RGMB: variants seen among roughly 807,000 people sequenced by gnomAD.
RGMB encodes repulsive guidance molecule B.
In RGMB, 16 loss-of-function variants were observed where a neutral mutation model predicts 26.9. The observed-to-expected ratio is 0.60, with a 90% confidence interval of 0.40 to 0.90. The LOEUF is 0.90. Ranked by LOEUF, RGMB falls within the 40% of genes least tolerant of loss-of-function variation. The pLI is 0.00. For synonymous variants in RGMB, 225 were observed against 229.3 expected (o/e 0.98, Z 0.17); for missense variants, 512 against 573.3 (o/e 0.89, Z 1.09).
At chr5:98,791,639 T>C (rs1344903055) in intron 2 of RGMB, among the ~76,000 whole-genome samples, 1 of 152,214 alleles carries the variant, frequency 6.6e-6, no homozygotes, top group Non-Finnish European at 1.5e-5. Flanking sequence ...AGTCACCTGA[T>C]ACTTTTTGTT....
chr5:98,782,589 G>A (rs1293944836), intron 2 of RGMB, among the ~76,000 whole-genome samples: 2 of 152,176 alleles, frequency 1.3e-5, no homozygotes, highest in Admixed American at 6.5e-5. Context: ...TCCTTGTGTG[G>A]TCAAGTGTTT....
chr5:98,778,652 A>G (rs2112347570), intron 1 of RGMB, among the ~76,000 whole-genome samples: 1 of 152,280 alleles, frequency 6.6e-6, no homozygotes, highest in South Asian at 2.1e-4. Flanking sequence ...CACACAACTG[A>G]CCTAGTATTG....
intron 1 of RGMB, among the ~76,000 whole-genome samples, chr5:98,774,547 G>C (rs1746328507): frequency 6.6e-6 from 1 of 152,216 alleles, no homozygotes; most frequent in African/African-American, 2.4e-5. Flanking sequence ...TGCTCTCTGC[G>C]CTGGTGTTTA....
At chr5:98,774,250 G>A (rs950360772) in intron 1 of RGMB, 44 bp downstream of exon 1, 297 of 1,352,564 alleles carry the variant, frequency 2.2e-4, no homozygotes, top group Non-Finnish European at 2.6e-4. Context: ...GGGGCCTAGG[G>A]CTTTGTTCCC....
At chr5:98,787,685 A>G (rs767973393) in intron 2 of RGMB, among the ~76,000 whole-genome samples, 81 of 152,224 alleles carry the variant, frequency 5.3e-4, no homozygotes, top group Non-Finnish European at 7.3e-5. Context: ...GGAGTGACCA[A>G]GACTTACAGG....
upstream of RGMB, chr5:98,770,217 T>C (rs11957518): frequency 0.017 from 2,703 of 159,490 alleles, 78 homozygotes; most frequent in African/African-American, 0.061. Flanking sequence ...GAGGAACCCC[T>C]TGGGCGATGG....
rs750330959 is a variant in RGMB, at chr5:98,774,148, C to T, written c.78C>T (p.Cys26=). 5 of 1,490,438 alleles carry T rather than the reference C, an allele frequency of 3.4e-6. No homozygotes were observed. The highest frequency in any genetic ancestry group is 5.5e-5 in the East Asian group (2 of 36,388). The allele number at this position is 1,490,438 out of a possible 1,614,324, so 92.3% of individuals were successfully genotyped here. A position where few individuals can be genotyped will look rare whatever the true frequency, so the allele number is the denominator to read the frequency against. ...EVEQRRSPGL[C]PPPLELLLLL... ...AGCAGCGCCGCAGCCCCGGGCTCTG[C>T]CCCCCGCCGCTGGAGCTGCTGCTGC... Residue 26 remains cysteine, a synonymous_variant, in exon 1 of 3, where the codon TGC becomes TGT. Transcript: ENST00000513185.
chr5:98,789,217 G>T (rs1746851821), intron 2 of RGMB, among the ~76,000 whole-genome samples: 1 of 152,214 alleles, frequency 6.6e-6, no homozygotes, highest in Admixed American at 6.5e-5. Context: ...CTAAAGTCTG[G>T]CTCTCATGTT....
intron 1 of RGMB, among the ~76,000 whole-genome samples, chr5:98,774,863 A>G (rs1019018471): frequency 1.3e-5 from 2 of 152,170 alleles, no homozygotes; most frequent in Non-Finnish European, 2.9e-5. Context: ...ACAGATAACC[A>G]TGCTGCCTTC....
rs1364830962 is a variant in RGMB at position 98,773,758 on chromosome 5, T to C, written c.-313T>C. On this transcript the variant is annotated 5_prime_UTR_variant, in exon 1 of 3. Coordinates refer to ENST00000513185, the MANE Select transcript of RGMB (RefSeq NM_001366508.1). ...GAGCCCACGCTGGCTGGGGCCGGGG[T>C]GCCGGCGCGCTCGGGACTCGTCTCA... The C allele has an allele frequency of 7.8e-6, 3 of 383,332 alleles. No individual in the cohort carries two copies. Among genetic ancestry groups the C allele is most frequent in the Non-Finnish European group, 9.2e-6 (2 of 216,850 alleles). 23.7% of individuals were successfully genotyped at this position (383,332 alleles called of 1,614,324 possible). A position where few individuals can be genotyped will look rare whatever the true frequency, so the allele number is the denominator to read the frequency against.
rs1234091960 is a variant in RGMB at position 98,793,374 on chromosome 5, G to A, written c.935G>A (p.Cys312Tyr). Residue 312 changes from cysteine (C) to tyrosine (Y), a missense_variant, in exon 3 of 3, where the codon TGC becomes TAC. Coordinates refer to ENST00000513185, the MANE Select transcript of RGMB (RefSeq NM_001366508.1). The stretch of plus-strand genomic sequence containing the variant: ...GAGGAGAGCCAGGACCTGCAGCTGT[G>A]CGTGAACGGCTGCCCCCTGAGTGAA... The part of the protein sequence containing the change: ...SYEESQDLQL[C>Y]VNGCPLSERI... The A allele has an allele frequency of 6.2e-7, 1 of 1,613,438 alleles. No homozygotes were observed. Among genetic ancestry groups the A allele is most frequent in the Non-Finnish European group, 8.5e-7 (1 of 1,179,758 alleles).
At chr5:98,770,357 G>A (rs1746113013), upstream of RGMB, 2 of 374,702 alleles carry the variant, frequency 5.3e-6, no homozygotes, top group Admixed American at 4.6e-5. Context: ...TCGAAGGGAA[G>A]GCTGCACTGG....
chr5:98,789,824 T>C (rs1746871927), intron 2 of RGMB, among the ~76,000 whole-genome samples: 1 of 152,220 alleles, frequency 6.6e-6, no homozygotes, highest in Admixed American at 6.5e-5. Context: ...TGACAGCATA[T>C]ATATTAGTTC....
chr5:98,793,784 T>TTG lies in RGMB; in HGVS notation c.*33_*34dup. 6.8e-7 allele frequency: 1 copy of TTG among 1,472,928 alleles called. No homozygotes were observed. The allele number at this position is 1,472,928 out of a possible 1,614,324, so 91.2% of individuals were successfully genotyped here. ...GTCTTTTGTTTTGGTTTTTTATTTT[T>TTG]TGTCTATAACAAAATTTTAAAATAT... On this transcript the variant is annotated 3_prime_UTR_variant, in exon 3 of 3. Transcript: ENST00000513185.
At chr5:98,792,634 G>T (rs1468792847) in intron 2 of RGMB, among the ~76,000 whole-genome samples, 1 of 133,030 alleles carries the variant, frequency 7.5e-6, no homozygotes, top group Non-Finnish European at 1.5e-5. Flanking sequence ...AGCCACGCAT[G>T]GTGGTATATG....
At position 98,790,597 on chromosome 5, in the gene RGMB, C is replaced by T. The variant is rs79790696; in HGVS notation, c.646-2488C>T. Among the ~76,000 whole-genome samples, 1,021 of 152,202 alleles carry T rather than the reference C, an allele frequency of 6.7e-3. 9 individuals carry two copies. The highest frequency in any genetic ancestry group is 0.024 in the African/African-American group (978 of 41,538). On this transcript the variant is annotated intron_variant, in intron 2 of 2. Coordinates refer to ENST00000513185, the MANE Select transcript of RGMB (RefSeq NM_001366508.1). Reference sequence around the variant, plus strand: ...TGGTGTGCTTAATGAAAAAAACAGCCGTGGTGAGACATATGGAACCATTCC... The same window carrying T: ...TGGTGTGCTTAATGAAAAAAACAGCTGTGGTGAGACATATGGAACCATTCC...
chr5:98,782,067 A>G (rs1240571176), intron 2 of RGMB, among the ~76,000 whole-genome samples: 3 of 152,238 alleles, frequency 2.0e-5, no homozygotes, highest in African/African-American at 7.2e-5. Flanking sequence ...CTTTAATTGC[A>G]CTATTGGAAG....
Position 98,779,753 on chromosome 5 carries a change from G to T in RGMB, c.310G>T (p.Val104Leu). The T allele has an allele frequency of 6.2e-7, 1 of 1,614,062 alleles. No homozygotes were observed. Among genetic ancestry groups the T allele is most frequent in the Non-Finnish European group, 8.5e-7 (1 of 1,179,902 alleles). Residue 104 changes from valine (V) to leucine (L), a missense_variant, in exon 2 of 3, where the codon GTA (valine) becomes TTA (leucine). Coordinates refer to ENST00000513185, the MANE Select transcript of RGMB (RefSeq NM_001366508.1). ...TTCAAAAGCCTGCCGTGGCAACCTG[G>T]TATACCATTCTGCCGTGTTGGGTAT... ...RTSKACRGNL[V>L]YHSAVLGISD...
chr5:98,771,314 A>AT (rs978556491), upstream of RGMB: 1 of 152,082 alleles, frequency 6.6e-6, no homozygotes, highest in Non-Finnish European at 1.5e-5. Context: ...TAAGTCACCG[A>AT]TTTTTTTGTT....
Sources: gnomAD v4.1 joint callset for allele counts (sites outside exome capture counted in the v4.1 genomes callset) on GRCh38, gnomAD v4.1.1 for gene constraint, MANE v1.5 for transcripts, NCBI Gene and HGNC (gene_info 2026-07-23, HGNC 2026-07-21) for gene names.